ATP6V1C2: variants seen among roughly 807,000 people sequenced by gnomAD.
ATP6V1C2 encodes the protein ATPase H+ transporting V1 subunit C2.
Under a neutral mutation model 56.8 loss-of-function variants are expected in ATP6V1C2, and 45 were observed. The ratio of observed to expected loss-of-function variants is 0.79; its 90% CI spans 0.62 to 1.02. The LOEUF (loss-of-function observed/expected upper bound fraction) is 1.02. Ranked by LOEUF, ATP6V1C2 falls within the 50% of genes least tolerant of loss-of-function variation. The pLI is 0.00. For missense variants in ATP6V1C2, 463 were observed against 519.7 expected (o/e 0.89, Z 1.06); for synonymous variants, 220 against 201.3 (o/e 1.09, Z -0.79).
intron 4 of ATP6V1C2, among the ~76,000 whole-genome samples, chr2:10,756,633 G>A (rs1400239584): frequency 2.0e-5 from 3 of 152,030 alleles, no homozygotes; most frequent in African/African-American, 7.2e-5. Flanking sequence ...CAGAAGAATT[G>A]CTTGAACCTG....
chr2:10,740,220 GAACC>G (rs1662474948), intron 3 of ATP6V1C2, among the ~76,000 whole-genome samples: 2 of 152,058 alleles, frequency 1.3e-5, no homozygotes, highest in South Asian at 4.1e-4. Context: ...GAAGTTAAAA[GAACC>G]AAGTGCTTTT....
At chr2:10,726,353 C>T in intron 2 of ATP6V1C2, 149 bp from the exon 3 acceptor site, 1 of 670,500 alleles carries the variant, frequency 1.5e-6, no homozygotes, top group African/African-American at 1.8e-5. Context: ...CACTGGTTTC[C>T]ATTAAGAGTT....
Position 10,773,145 on chromosome 2 carries a change from G to GTT in ATP6V1C2, c.638+536_638+537insTT, listed in dbSNP as rs377263945. Among the ~76,000 whole-genome samples the GTT allele has an allele frequency of 2.5e-3, 374 of 152,346 alleles. 1 individual carries two copies. Among genetic ancestry groups the GTT allele is most frequent in the Middle Eastern group, 0.01 (3 of 294 alleles). On this transcript the variant is annotated intron_variant, in intron 8 of 13. Transcript: ENST00000272238. ...GAACCAAGGATGCCAGGCCCTGTGT[G>GTT]TCAGGAGGGATGAAGGGGAAAGGCA...
At chr2:10,736,385 A>G (rs1481722349) in intron 3 of ATP6V1C2, among the ~76,000 whole-genome samples, 1 of 152,188 alleles carries the variant, frequency 6.6e-6, no homozygotes, top group Admixed American at 6.5e-5. Flanking sequence ...AGATTCGCAA[A>G]TTGCATTTTG....
intron 2 of ATP6V1C2, 93 bp from the exon 3 acceptor site, chr2:10,726,409 A>G: frequency 1.0e-6 from 1 of 996,658 alleles, no homozygotes; most frequent in Non-Finnish European, 1.6e-6. Context: ...GACAAATTCA[A>G]GATGAAGTGA....
rs143517587 is a variant in ATP6V1C2 at position 10,750,901 on chromosome 2, G to A, written c.198-3080G>A. 9.4e-3 allele frequency among the ~76,000 whole-genome samples: 1,436 copies of A among 152,160 alleles called. 24 individuals are homozygous for A. The highest frequency in any genetic ancestry group is 0.034 in the African/African-American group (1,394 of 41,510). Reference sequence around the variant, plus strand: ...ATTTTAGAACAGTGCTTGGCGCATAGTAGTTGTTAGTGCTTGGCGCATAGT... The same window carrying A: ...ATTTTAGAACAGTGCTTGGCGCATAATAGTTGTTAGTGCTTGGCGCATAGT... On this transcript the variant is annotated intron_variant, in intron 3 of 13. Transcript: ENST00000272238.
intron 10 of ATP6V1C2, 38 bp downstream of exon 10, chr2:10,775,109 C>T (rs200253357): frequency 1.8e-4 from 276 of 1,519,850 alleles, no homozygotes; most frequent in Middle Eastern, 1.0e-3. Flanking sequence ...CGCCCCTACC[C>T]GGAGGCCTGG....
At position 10,780,090 on chromosome 2, in the gene ATP6V1C2, T is replaced by C. The variant is rs1665258333; in HGVS notation, c.1061+1421T>C. Among the ~76,000 whole-genome samples, 1 of 152,114 alleles carries C rather than the reference T, an allele frequency of 6.6e-6. No individual in the cohort carries two copies. The highest frequency in any genetic ancestry group is 6.6e-5 in the Admixed American group (1 of 15,264). ...CCCTCCCTGCCGTCCCCCTGGCTGA[T>C]GTCCCCTACTTTCCCTCGTTTTCCT... is the stretch of plus-strand genomic sequence containing the variant. On this transcript the variant is annotated intron_variant, in intron 12 of 13. Transcript: ENST00000272238. The surrounding 1 kb of genome is among the most constrained non-coding windows in gnomAD (Gnocchi z 4.1).
At chr2:10,753,002 A>G (rs1197241558) in intron 3 of ATP6V1C2, among the ~76,000 whole-genome samples, 3 of 152,164 alleles carry the variant, frequency 2.0e-5, no homozygotes, top group Non-Finnish European at 2.9e-5. Flanking sequence ...TCTCCAAAAA[A>G]AGAACAAAAG....
At chr2:10,755,515 G>A (rs1663501166) in intron 4 of ATP6V1C2, among the ~76,000 whole-genome samples, 1 of 152,168 alleles carries the variant, frequency 6.6e-6, no homozygotes, top group African/African-American at 2.4e-5. Flanking sequence ...GCACTGCTAG[G>A]TTTGGAAGTT....
At chr2:10,776,997 T>TGG (rs1391855269) in intron 10 of ATP6V1C2, among the ~76,000 whole-genome samples, 1 of 152,122 alleles carries the variant, frequency 6.6e-6, no homozygotes, top group Non-Finnish European at 1.5e-5. Flanking sequence ...ACGTCTTGCA[T>TGG]CCTTTTTGTC....
intron 3 of ATP6V1C2, among the ~76,000 whole-genome samples, chr2:10,744,859 T>C (rs775911022): frequency 6.6e-6 from 1 of 150,874 alleles, no homozygotes; most frequent in Admixed American, 6.6e-5. Flanking sequence ...TTTGTAGAGA[T>C]GGGGTTTCAC....
intron 10 of ATP6V1C2, among the ~76,000 whole-genome samples, chr2:10,775,898 G>A (rs1664933254): frequency 6.6e-6 from 1 of 152,172 alleles, no homozygotes; most frequent in African/African-American, 2.4e-5. Flanking sequence ...CAGGAGGAAT[G>A]AGTAGAAAGT....
chr2:10,762,145 A>ATTTT (rs569224455), intron 4 of ATP6V1C2, among the ~76,000 whole-genome samples: 17 of 139,782 alleles, frequency 1.2e-4, no homozygotes, highest in African/African-American at 4.0e-4. Context: ...TGAAGCATAA[A>ATTTT]TTTTTTTTTT....
chr2:10,772,435 G>A, intron 7 of ATP6V1C2, 107 bp from the exon 8 acceptor site: 2 of 944,208 alleles, frequency 2.1e-6, no homozygotes, highest in African/African-American at 1.6e-5. Flanking sequence ...CCCCATCCCT[G>A]CTCACCTTCA....
At chr2:10,736,317 ATAT>A (rs1662240999) in intron 3 of ATP6V1C2, among the ~76,000 whole-genome samples, 1 of 152,210 alleles carries the variant, frequency 6.6e-6, no homozygotes, top group East Asian at 1.9e-4. Context: ...TTCTTTAATA[ATAT>A]TCACAAAATT....
chr2:10,778,166 A>G (rs539338794), intron 11 of ATP6V1C2, among the ~76,000 whole-genome samples: 286 of 152,280 alleles, frequency 1.9e-3, no homozygotes, highest in Middle Eastern at 0.01. Flanking sequence ...TGCTGTGGCC[A>G]CGTGAGGTGG....
At chr2:10,754,311 C>A in intron 4 of ATP6V1C2, among the ~76,000 whole-genome samples, 1 of 152,138 alleles carries the variant, frequency 6.6e-6, no homozygotes, top group African/African-American at 2.4e-5. Context: ...CTGCAACCTC[C>A]GCCGCCCGGG....
rs200999898 is a variant in ATP6V1C2 at position 10,766,938 on chromosome 2, CTG to C, written c.379-1778_379-1777del. Among the ~76,000 whole-genome samples the C allele has an allele frequency of 6.7e-3, 1,013 of 152,176 alleles. 11 individuals are homozygous for C. The highest frequency in any genetic ancestry group is 0.023 in the African/African-American group (956 of 41,502). ...TTGTATAGTGAGCTGTGGGAAATCA[CTG>C]TGGGAAACTGCATGGAGGGGACTTA... On this transcript the variant is annotated intron_variant, in intron 5 of 13. Coordinates refer to ENST00000272238, the MANE Select transcript of ATP6V1C2 (RefSeq NM_001039362.2).
Sources: allele counts gnomAD v4.1 joint callset (sites outside exome capture counted in the v4.1 genomes callset), GRCh38; gene constraint gnomAD v4.1.1; non-coding constraint Gnocchi (gnomAD v3.1); transcripts MANE v1.5; gene names NCBI Gene and HGNC (gene_info 2026-07-23, HGNC 2026-07-21).